CPVL: variants seen among roughly 807,000 people sequenced by gnomAD.
CPVL encodes the protein carboxypeptidase vitellogenic like.
CPVL carries 51 observed loss-of-function variants against 63.7 expected under a neutral mutation model. The observed-to-expected ratio is 0.80, with a 90% CI of 0.64 to 1.01. The LOEUF is 1.01. CPVL is among the 50% of genes least tolerant of loss of function. The pLI is 0.00. For missense variants in CPVL, 530 were observed against 573.1 expected, an observed-to-expected ratio of 0.92 and a Z score of 0.77; for synonymous variants, 195 against 206.0, an observed-to-expected ratio of 0.95 and a Z score of 0.46.
chr7:29,043,788 G>A (rs553023064), intron 11 of CPVL, among the ~76,000 whole-genome samples: 1 of 152,232 alleles, frequency 6.6e-6, no homozygotes, highest in East Asian at 1.9e-4. Context: ...CAAATCCAAC[G>A]AAAAAGCCCT....
intron 5 of CPVL, among the ~76,000 whole-genome samples, chr7:29,152,331 G>A (rs2687634): frequency 0.06 from 9,098 of 152,188 alleles, 670 homozygotes; most frequent in East Asian, 0.18. Context: ...CCTTGATTCT[G>A]AGACAGCTAC....
At chr7:29,025,199 C>T (rs1787374910) in intron 12 of CPVL, among the ~76,000 whole-genome samples, 1 of 152,148 alleles carries the variant, frequency 6.6e-6, no homozygotes, top group African/African-American at 2.4e-5. Context: ...ATAATAAAAA[C>T]ATACCTGAGG....
chr7:29,065,938 T>A, intron 10 of CPVL, 85 bp downstream of exon 10: 1 of 742,850 alleles, frequency 1.3e-6, no homozygotes, highest in South Asian at 1.7e-5. Flanking sequence ...TATAAAGTCA[T>A]CTATAATATT....
At chr7:29,093,447 CTCT>C (rs565596019) in intron 5 of CPVL, among the ~76,000 whole-genome samples, 24 of 151,462 alleles carry the variant, frequency 1.6e-4, no homozygotes, top group African/African-American at 4.8e-4. Flanking sequence ...CATTGTCTTC[CTCT>C]TCTTCTTCTT....
At chr7:29,080,935 A>G (rs886121430) in intron 7 of CPVL, among the ~76,000 whole-genome samples, 1 of 152,204 alleles carries the variant, frequency 6.6e-6, no homozygotes, top group Non-Finnish European at 1.5e-5. Flanking sequence ...GTTTTTGCTG[A>G]TGGAGAAGAG....
At chr7:29,088,021 A>C (rs959848194) in intron 6 of CPVL, among the ~76,000 whole-genome samples, 41 of 152,288 alleles carry the variant, frequency 2.7e-4, no homozygotes, top group Non-Finnish European at 3.7e-4. Context: ...TCAGGCTAAA[A>C]TCTACTTCCT....
rs536711943 is a variant in CPVL at position 29,018,362 on chromosome 7, G to A, written c.1320+12215C>T. On this transcript the variant is annotated intron_variant, in intron 12 of 12. Transcript: ENST00000265394. ...AATTTCTCAGTATGGTTATTATTCC[G>A]ATTAAAATTTTTAATCTTTTTTTTT... Among the ~76,000 whole-genome samples the A allele has an allele frequency of 8.2e-5, 12 of 146,726 alleles. No homozygotes were observed. The South Asian group carries it at 2.2e-3, about 26-fold the overall frequency.
upstream of CPVL, chr7:29,195,349 C>G (rs571999031): frequency 2.4e-5 from 6 of 255,242 alleles, no homozygotes; most frequent in Non-Finnish European, 4.4e-5. Context: ...TGAAGCAGAG[C>G]GCCCCGACCT....
intron 12 of CPVL, among the ~76,000 whole-genome samples, chr7:29,017,360 G>A (rs920756995): frequency 7.2e-5 from 11 of 152,224 alleles, no homozygotes; most frequent in South Asian, 2.1e-4. Flanking sequence ...TCGGCTGGGC[G>A]TGGTGGCTCA....
At chr7:29,074,762 G>T (rs149037507) in intron 7 of CPVL, among the ~76,000 whole-genome samples, 20 of 150,564 alleles carry the variant, frequency 1.3e-4, no homozygotes, top group African/African-American at 4.7e-4. Flanking sequence ...CTTTACAGCA[G>T]CGTGAAAATG....
At chr7:29,063,085 G>C (rs1014265850) in intron 11 of CPVL, among the ~76,000 whole-genome samples, 2 of 152,262 alleles carry the variant, frequency 1.3e-5, no homozygotes, top group Admixed American at 1.3e-4. Flanking sequence ...CATGTCATTT[G>C]CTCTTGGTGT....
chr7:29,152,115 T>C (rs1346986090), intron 5 of CPVL, among the ~76,000 whole-genome samples: 1 of 152,210 alleles, frequency 6.6e-6, no homozygotes, highest in Non-Finnish European at 1.5e-5. Context: ...AGTGACTCTA[T>C]AGCCTCTGAA....
At chr7:29,013,689 T>G (rs1384245517) in intron 12 of CPVL, among the ~76,000 whole-genome samples, 2 of 152,180 alleles carry the variant, frequency 1.3e-5, no homozygotes, top group African/African-American at 2.4e-5. Flanking sequence ...GCCTTTGTGG[T>G]AGACATAGAG....
At chr7:29,063,813 C>T (rs144811184) in intron 11 of CPVL, among the ~76,000 whole-genome samples, 1,966 of 152,178 alleles carry the variant, frequency 0.013, 14 homozygotes, top group African/African-American at 0.018. Context: ...CTCAGGTGAT[C>T]CACCCGCCTC....
At chr7:28,997,503 T>C (rs1285760817) in intron 12 of CPVL, among the ~76,000 whole-genome samples, 3 of 152,308 alleles carry the variant, frequency 2.0e-5, no homozygotes, top group East Asian at 3.9e-4. Flanking sequence ...TTAACACTAT[T>C]AGATGATATT....
At chr7:29,075,973 A>G (rs1784207001) in intron 7 of CPVL, among the ~76,000 whole-genome samples, 1 of 3,326 alleles carries the variant, frequency 3.0e-4, no homozygotes, top group Non-Finnish European at 1.6e-3. Context: ...TTTTTTTGGC[A>G]AGATCAGACT....
At chr7:29,153,356 CG>C (rs1793878024) in intron 5 of CPVL, among the ~76,000 whole-genome samples, 1 of 152,122 alleles carries the variant, frequency 6.6e-6, no homozygotes, top group South Asian at 2.1e-4. Flanking sequence ...CACTTATACA[CG>C]GATTTTTTTC....
rs1363736546 is a variant in CPVL, at chr7:29,112,713, G to A, written c.279C>T (p.Phe93=). The A allele has an allele frequency of 1.2e-6, 2 of 1,610,824 alleles. No homozygotes were observed. Among genetic ancestry groups the A allele is most frequent in the African/African-American group, 2.7e-5 (2 of 74,768 alleles). ...TYNSNLFFWF[F]PAQIQPEDAP... Reference sequence around the variant, plus strand: ...TCTGTTGGGCACCTACCTGAGCTGGGAAGAACCAGAAGAAGAGGTTGCTGT... The same window carrying A: ...TCTGTTGGGCACCTACCTGAGCTGGAAAGAACCAGAAGAAGAGGTTGCTGT... The change falls in exon 3 of 13, where the codon TTC becomes TTT. Residue 93 remains phenylalanine, a synonymous_variant. Coordinates refer to ENST00000265394, the MANE Select transcript of CPVL (RefSeq NM_031311.5).
chr7:29,118,217 G>T (rs1294589268), intron 2 of CPVL, among the ~76,000 whole-genome samples: 1 of 152,158 alleles, frequency 6.6e-6, no homozygotes, highest in East Asian at 1.9e-4. Context: ...GGGCAACTCG[G>T]ATAAAGTATT....
Sources: allele counts gnomAD v4.1 joint callset (sites outside exome capture counted in the v4.1 genomes callset), GRCh38; gene constraint gnomAD v4.1.1; transcripts MANE v1.5; gene names NCBI Gene and HGNC (gene_info 2026-07-23, HGNC 2026-07-21).